Variants in TEAD1 observed in about 807,000 individuals in gnomAD.
TEAD1 encodes the protein transcriptional enhancer factor TEF-1.
A neutral mutation model predicts 54.9 loss-of-function variants in TEAD1; 9 were observed. That is an observed-to-expected ratio of 0.16 (90% CI 0.10 to 0.29). TEAD1 has a LOEUF of 0.29. Ranked by LOEUF, TEAD1 falls within the 10% of genes least tolerant of loss-of-function variation. TEAD1 has a pLI of 1.00. For synonymous variants in TEAD1, 200 were observed against 187.8 expected (o/e 1.07, Z -0.53); for missense variants, 387 against 535.9 (o/e 0.72, Z 2.74).
At chr11:12,700,585 A>G (rs1350966069) in intron 2 of TEAD1, among the ~76,000 whole-genome samples, 1 of 152,238 alleles carries the variant, frequency 6.6e-6, no homozygotes, top group Non-Finnish European at 1.5e-5. Flanking sequence ...TAAAAGCCAC[A>G]TTGATCTTAG....
At chr11:12,890,804 G>A (rs945536859) in intron 9 of TEAD1, among the ~76,000 whole-genome samples, 4 of 152,224 alleles carry the variant, frequency 2.6e-5, no homozygotes, top group East Asian at 3.9e-4. Flanking sequence ...TTGCTTCGTC[G>A]CCCAGGCTGG....
intron 2 of TEAD1, among the ~76,000 whole-genome samples, chr11:12,712,435 C>T (rs1590074780): frequency 6.6e-6 from 1 of 152,194 alleles, no homozygotes; most frequent in East Asian, 1.9e-4. Context: ...TGACCGCCAT[C>T]CCAGCTCTGC....
At chr11:12,689,459 A>G (rs1479285964) in intron 2 of TEAD1, among the ~76,000 whole-genome samples, 3 of 152,188 alleles carry the variant, frequency 2.0e-5, no homozygotes, top group African/African-American at 7.2e-5. Context: ...AACCCCTGAA[A>G]TGGACATAGA....
At chr11:12,876,359 A>T (rs1034387880) in intron 5 of TEAD1, among the ~76,000 whole-genome samples, 1 of 152,162 alleles carries the variant, frequency 6.6e-6, no homozygotes, top group African/African-American at 2.4e-5. Flanking sequence ...GGATGTGGAG[A>T]TGCAGGGAAC....
Position 12,714,971 on chromosome 11 carries a change from T to TA in TEAD1, c.-55+39411dup, listed in dbSNP as rs530184944. Among the ~76,000 whole-genome samples, 23 of 152,252 alleles carry TA rather than the reference T, an allele frequency of 1.5e-4. No homozygotes were observed. The South Asian group carries it at 4.8e-3, about 32-fold the overall frequency. On this transcript the variant is annotated intron_variant, in intron 2 of 12. Coordinates refer to ENST00000527636, the MANE Select transcript of TEAD1 (RefSeq NM_021961.6). ...GGTACTTGGGATTAGGGGTTCAACA[T>TA]ACGATTTTTTTGAGGGGGAGACACA...
chr11:12,842,396 T>C (rs906316727), intron 3 of TEAD1, among the ~76,000 whole-genome samples: 4 of 152,194 alleles, frequency 2.6e-5, no homozygotes, highest in African/African-American at 9.7e-5. Flanking sequence ...GAGAAATCTT[T>C]GGCAGTTGTG....
intron 3 of TEAD1, among the ~76,000 whole-genome samples, chr11:12,811,430 A>G (rs1946298307): frequency 6.6e-6 from 1 of 152,184 alleles, no homozygotes; most frequent in South Asian, 2.1e-4. Flanking sequence ...AGCCCCCTCC[A>G]TTGCTTAAAA....
At chr11:12,734,847 A>T (rs1056167257) in intron 2 of TEAD1, among the ~76,000 whole-genome samples, 1 of 152,170 alleles carries the variant, frequency 6.6e-6, no homozygotes, top group Admixed American at 6.5e-5. Context: ...CTGACAACAC[A>T]TTTTGTTAAG....
chr11:12,811,131 A>T (rs951240499), intron 3 of TEAD1, among the ~76,000 whole-genome samples: 1 of 152,230 alleles, frequency 6.6e-6, no homozygotes, highest in African/African-American at 2.4e-5. Flanking sequence ...TGATTGAGGG[A>T]TGGTGCCTGA....
intron 3 of TEAD1, among the ~76,000 whole-genome samples, chr11:12,804,648 G>A (rs1000699141): frequency 2.6e-5 from 4 of 152,176 alleles, no homozygotes; most frequent in African/African-American, 7.2e-5. Context: ...GTGTTACCTC[G>A]GAGTGTGCAG....
chr11:12,869,261 G>T (rs1373438924), intron 5 of TEAD1, among the ~76,000 whole-genome samples: 1 of 152,146 alleles, frequency 6.6e-6, no homozygotes, highest in African/African-American at 2.4e-5. Flanking sequence ...AGTCAGGGAG[G>T]CTAATTCCTG....
At chr11:12,780,127 A>G (rs896187075) in intron 3 of TEAD1, among the ~76,000 whole-genome samples, 5 of 152,318 alleles carry the variant, frequency 3.3e-5, no homozygotes, top group African/African-American at 1.2e-4. Flanking sequence ...TACTGTCTCT[A>G]TTTGATCTTG....
intron 3 of TEAD1, among the ~76,000 whole-genome samples, chr11:12,809,536 A>G (rs1007147376): frequency 1.3e-5 from 2 of 151,844 alleles, no homozygotes; most frequent in African/African-American, 2.4e-5. Context: ...ACACACCCCC[A>G]GATCAAAGAC....
At chr11:12,865,880 C>A (rs1947605699) in intron 5 of TEAD1, among the ~76,000 whole-genome samples, 1 of 152,124 alleles carries the variant, frequency 6.6e-6, no homozygotes. Context: ...CGGTTCTGTT[C>A]TGATATTTTT....
intron 3 of TEAD1, among the ~76,000 whole-genome samples, chr11:12,788,246 CCT>C (rs1945721606): frequency 1.3e-5 from 2 of 152,092 alleles, no homozygotes; most frequent in South Asian, 4.2e-4. Flanking sequence ...AAGCAATTCC[CCT>C]GTCTCACCCT....
chr11:12,747,581 C>T (rs368587418), intron 2 of TEAD1, among the ~76,000 whole-genome samples: 44 of 152,328 alleles, frequency 2.9e-4, no homozygotes, highest in Admixed American at 2.7e-3. Context: ...AGTGATCTGC[C>T]TGCCTAGGTC....
intron 2 of TEAD1, among the ~76,000 whole-genome samples, chr11:12,705,800 A>G (rs183350365): frequency 6.6e-6 from 1 of 152,344 alleles, no homozygotes; most frequent in East Asian, 1.9e-4. Context: ...TAATGTGGAT[A>G]ATAATTCTTA....
At chr11:12,851,771 G>T (rs1035908864) in intron 3 of TEAD1, among the ~76,000 whole-genome samples, 5 of 151,616 alleles carry the variant, frequency 3.3e-5, no homozygotes, top group African/African-American at 9.7e-5. Flanking sequence ...TCCAGACTGG[G>T]CAACAGAGCA....
intron 2 of TEAD1, among the ~76,000 whole-genome samples, chr11:12,683,612 G>T (rs563894208): frequency 6.6e-6 from 1 of 152,104 alleles, no homozygotes; most frequent in Non-Finnish European, 1.5e-5. Flanking sequence ...TGCCATTTTG[G>T]GGGGTGAGTT....
Sources: gnomAD v4.1 joint callset for allele counts (sites outside exome capture counted in the v4.1 genomes callset) on GRCh38, gnomAD v4.1.1 for gene constraint, MANE v1.5 for transcripts, NCBI Gene and HGNC (gene_info 2026-07-23, HGNC 2026-07-21) for gene names.